IBTK: variants seen among roughly 807,000 people sequenced by gnomAD.
IBTK encodes the protein BTK-binding protein.
Under a neutral mutation model 154.9 loss-of-function variants are expected in IBTK, and 83 were observed. That is an observed-to-expected ratio of 0.54 (90% confidence interval 0.45 to 0.64). The LOEUF is 0.64. IBTK is among the 30% of genes least tolerant of loss of function. The pLI is 0.00. For missense variants in IBTK, 1,332 were observed against 1,584.6 expected (o/e 0.84, Z 2.71); for synonymous variants, 515 against 536.1 (o/e 0.96, Z 0.54).
intron 1 of IBTK, among the ~76,000 whole-genome samples, chr6:82,241,857 T>C (rs751247256): frequency 2.0e-5 from 3 of 152,232 alleles, no homozygotes; most frequent in Non-Finnish European, 2.9e-5. Context: ...TTGAGTTTAC[T>C]ATATGTATAG....
At chr6:82,197,614 G>A (rs1020447168) in intron 21 of IBTK, among the ~76,000 whole-genome samples, 1 of 152,006 alleles carries the variant, frequency 6.6e-6, no homozygotes, top group African/African-American at 2.4e-5. Context: ...TTTGTGGTCC[G>A]CCCGCCTTGG....
In IBTK at chr6:82,218,016, C is replaced by A; in HGVS notation, c.1370G>T (p.Gly457Val). The change falls in exon 10 of 29, where the codon GGA (glycine) becomes GTA (valine). Residue 457 changes from glycine (G) to valine (V), a missense_variant. Transcript: ENST00000306270. ...AAACCATCTCCCTCTAAATCCTTCTCCATCTTGCGTAACAAATAGAATTTC... is the reference window on the plus strand; with the variant it reads ...AAACCATCTCCCTCTAAATCCTTCTACATCTTGCGTAACAAATAGAATTTC... ...RNEILFVTQD[G>V]EGFRGRWFEE... The A allele has an allele frequency of 6.2e-7, 1 of 1,612,172 alleles. No homozygotes were observed. The highest frequency in any genetic ancestry group is 1.1e-5 in the South Asian group (1 of 90,718).
chr6:82,240,108 T>C (rs1191070754), intron 2 of IBTK, 58 bp downstream of exon 2: 1 of 1,437,630 alleles, frequency 7.0e-7, no homozygotes, highest in South Asian at 1.3e-5. Context: ...TGTATGAAAA[T>C]GATTAAGAAA....
intron 1 of IBTK, among the ~76,000 whole-genome samples, chr6:82,241,957 A>T (rs529283737): frequency 6.6e-6 from 1 of 152,364 alleles, no homozygotes; most frequent in South Asian, 2.1e-4. Context: ...AGAGTCAGAA[A>T]TCTGAGATCT....
intron 8 of IBTK, among the ~76,000 whole-genome samples, chr6:82,223,063 C>T (rs428302): frequency 1.3e-5 from 2 of 151,508 alleles, no homozygotes; most frequent in Non-Finnish European, 2.9e-5. Context: ...TGATTATATT[C>T]TAAAGATAAA....
chr6:82,225,562 T>C lies in IBTK; in HGVS notation c.740A>G (p.Asp247Gly). ...TAGACCAAATGTATAAACACATCCA[T>C]CTTCAGTTAATACAACAGTATGATC... ...AKDHTVVLTE[D>G]GCVYTFGLNI... The change falls in exon 6 of 29, where the codon GAT (aspartate) becomes GGT (glycine). Residue 247 changes from aspartate to glycine, a missense_variant. Transcript: ENST00000306270. 1 of 1,612,758 alleles carries C rather than the reference T, an allele frequency of 6.2e-7. No individual in the cohort carries two copies. Among genetic ancestry groups the C allele is most frequent in the Non-Finnish European group, 8.5e-7 (1 of 1,178,894 alleles).
intron 9 of IBTK, among the ~76,000 whole-genome samples, chr6:82,218,831 T>A (rs1341935173): frequency 6.6e-6 from 1 of 152,152 alleles, no homozygotes; most frequent in African/African-American, 2.4e-5. Flanking sequence ...AATTCCCTCA[T>A]AATCAAGTTA....
At chr6:82,208,046 C>T (rs1476409523) in intron 16 of IBTK, among the ~76,000 whole-genome samples, 3 of 150,878 alleles carry the variant, frequency 2.0e-5, no homozygotes, top group African/African-American at 7.3e-5. Flanking sequence ...TTATATACAG[C>T]ATGGCCACTA....
rs765525438 is a variant in IBTK, at chr6:82,191,825, A to G, written c.3393T>C (p.Ser1131=). The G allele has an allele frequency of 8.1e-6, 13 of 1,611,484 alleles. No homozygotes were observed. Among genetic ancestry groups the G allele is most frequent in the Non-Finnish European group, 1.1e-5 (13 of 1,177,840 alleles). Residue 1131 remains serine (S), a synonymous_variant, in exon 24 of 29, where the codon AGT becomes AGC. Transcript: ENST00000306270. Reference sequence around the variant, plus strand: ...TTGGTGTAGCTCCACATTTTTGTCTACTTTCTTCTATTTCCATGATAGTTC... The same window carrying G: ...TTGGTGTAGCTCCACATTTTTGTCTGCTTTCTTCTATTTCCATGATAGTTC... ...DLRTIMEIEE[S]RQKCGATPKS... is the part of the protein sequence containing the mutation.
intron 20 of IBTK, 27 bp downstream of exon 20, chr6:82,200,560 A>AG: frequency 6.8e-7 from 1 of 1,479,128 alleles, no homozygotes; most frequent in Non-Finnish European, 9.0e-7. Flanking sequence ...AAGGAGGAAA[A>AG]GAAAAAAAAA....
rs145078821 is a variant in IBTK, at chr6:82,217,799, C to T, written c.1426+161G>A. On this transcript the variant is annotated intron_variant, in intron 10 of 28. Transcript: ENST00000306270. ...CGAATATTCATGGCCCTTGCCATCA[C>T]TAACCTTACACTCTAATAGGAAACA... is the stretch of plus-strand genomic sequence containing the variant. 1.4e-3 allele frequency among the ~76,000 whole-genome samples: 208 copies of T among 152,240 alleles called. 1 individual carries two copies. Among genetic ancestry groups the T allele is most frequent in the African/African-American group, 4.9e-3 (204 of 41,568 alleles).
chr6:82,191,513 T>G lies in IBTK; in HGVS notation c.3431+274A>C, dbSNP rs112517946. On this transcript the variant is annotated intron_variant, in intron 24 of 28. Coordinates refer to ENST00000306270, the MANE Select transcript of IBTK (RefSeq NM_015525.4). ...AACTTGCATCACAAGCCTTAACTCT[T>G]TGGCTTTTGTAGCCAATAGTCCACA... The G allele has an allele frequency of 3.7e-5, 21 of 569,554 alleles. No homozygotes were observed. The African/African-American group carries it at 3.8e-4, about 10-fold the overall frequency. 35.3% of individuals were successfully genotyped at this position (569,554 alleles called of 1,614,324 possible).
In IBTK at chr6:82,211,396, G is replaced by A. The variant is rs1456298699; in HGVS notation, c.2383C>T (p.His795Tyr). 1 of 1,608,620 alleles carries A rather than the reference G, an allele frequency of 6.2e-7. No individual in the cohort carries two copies. The highest frequency in any genetic ancestry group is 1.3e-5 in the African/African-American group (1 of 74,538). ...ATCCATGAGCTACTCAGCATACTAT[G>A]AAAATATTCTAAAAGAAAAAAAAGT... ...CVLCARLEYF[H>Y]SMLSSSWIEA... The change falls in exon 15 of 29, where the codon CAT becomes TAT. Residue 795 changes from histidine to tyrosine, a missense_variant. Physicochemically the swap from His to Tyr is moderately conservative, Grantham distance 83. Transcript: ENST00000306270.
intron 20 of IBTK, 25 bp downstream of exon 20, chr6:82,200,562 A>G: frequency 3.0e-6 from 2 of 661,202 alleles, no homozygotes; most frequent in South Asian, 6.9e-5. Flanking sequence ...GGAGGAAAAG[A>G]AAAAAAAAAA....
chr6:82,240,636 C>CCTG lies in IBTK; in HGVS notation c.-151_-150insCAG. 1.6e-6 allele frequency: 1 copy of CCTG among 606,412 alleles called. No individual in the cohort carries two copies. The highest frequency in any genetic ancestry group is 2.8e-5 in the South Asian group (1 of 35,898). The allele number at this position is 606,412 out of a possible 1,614,324, so 37.6% of individuals were successfully genotyped here. On this transcript the variant is annotated 5_prime_UTR_variant, in exon 2 of 29. Transcript: ENST00000306270. Reference sequence around the variant, plus strand: ...AAATCCTCCTGACAATAGTATAAAACTATATATCTTTATACAATTTTTTGG... The same window carrying CCTG: ...AAATCCTCCTGACAATAGTATAAAACCTGTATATATCTTTATACAATTTTTTGG...
chr6:82,173,411 T>C lies in IBTK; in HGVS notation c.3753A>G (p.Pro1251=), dbSNP rs375968598. The change falls in exon 27 of 29, where the codon CCA becomes CCG. Residue 1251 remains proline, a synonymous_variant. Coordinates refer to ENST00000306270, the MANE Select transcript of IBTK (RefSeq NM_015525.4). Reference sequence around the variant, plus strand: ...GTAAATCTGAAATATGGTTGCCTTCTGGTCCTGGGGTACCATGGGTAGAGC... The same window carrying C: ...GTAAATCTGAAATATGGTTGCCTTCCGGTCCTGGGGTACCATGGGTAGAGC... ...VRCSTHGTPG[P]EGNHISDLPL... 72 of 1,613,646 alleles carry C rather than the reference T, an allele frequency of 4.5e-5. No individual in the cohort carries two copies. The highest frequency in any genetic ancestry group is 5.8e-5 in the Non-Finnish European group (68 of 1,179,734).
At chr6:82,177,576 G>A (rs544628446) in intron 26 of IBTK, among the ~76,000 whole-genome samples, 265 of 151,708 alleles carry the variant, frequency 1.7e-3, no homozygotes, top group Non-Finnish European at 3.2e-3. Context: ...CCCCTGGCCC[G>A]GCTAATTTTA....
At chr6:82,242,694 C>T (rs542579214) in intron 1 of IBTK, among the ~76,000 whole-genome samples, 51 of 152,180 alleles carry the variant, frequency 3.4e-4, no homozygotes, top group African/African-American at 1.2e-3. Context: ...CGTCTGTAAT[C>T]CCAGCACTTT....
chr6:82,170,056 A>G lies in IBTK; in HGVS notation c.*1369T>C, dbSNP rs1767879313. 6.6e-6 allele frequency: 1 copy of G among 152,228 alleles called. No individual in the cohort carries two copies. Among genetic ancestry groups the G allele is most frequent in the Non-Finnish European group, 1.5e-5 (1 of 68,042 alleles). 9.4% of individuals were successfully genotyped at this position (152,228 alleles called of 1,614,324 possible). On this transcript the variant is annotated 3_prime_UTR_variant, in exon 29 of 29. Transcript: ENST00000306270. Reference sequence around the variant, plus strand: ...TAAAATTCATTTCTCAATTTACTCAAACACACATACAAAAATTCACAAGTT... The same window carrying G: ...TAAAATTCATTTCTCAATTTACTCAGACACACATACAAAAATTCACAAGTT...
Sources: allele counts gnomAD v4.1 joint callset (sites outside exome capture counted in the v4.1 genomes callset), GRCh38; gene constraint gnomAD v4.1.1; transcripts MANE v1.5; gene names NCBI Gene and HGNC (gene_info 2026-07-23, HGNC 2026-07-21).